HORMAD2: variants seen among roughly 807,000 people sequenced by gnomAD.
The protein encoded by HORMAD2 is HORMA domain containing 2, also known as HORMA domain-containing protein 2.
Under a neutral mutation model 38.8 loss-of-function variants are expected in HORMAD2, and 45 were observed. The ratio of observed to expected loss-of-function variants is 1.16; its 90% CI spans 0.91 to 1.49. The LOEUF is 1.49. Among genes scored for constraint, HORMAD2 ranks in the 40% most tolerant of loss-of-function variants. The pLI, the probability that HORMAD2 is intolerant of heterozygous loss-of-function variation, is 0.00. For synonymous variants in HORMAD2, 126 were observed against 122.8 expected (o/e 1.03, Z -0.17); for missense variants, 338 against 367.0 (o/e 0.92, Z 0.65).
the HORMAD2 span, among the ~76,000 whole-genome samples, chr22:30,187,661 G>A: frequency 2.6e-5 from 4 of 152,032 alleles, no homozygotes; most frequent in East Asian, 7.7e-4. Flanking sequence ...GCTAAGTTTG[G>A]AAGCACTTAT....
the HORMAD2 span, among the ~76,000 whole-genome samples, chr22:30,196,157 C>T: frequency 2.0e-5 from 3 of 152,328 alleles, no homozygotes; most frequent in East Asian, 5.8e-4. Context: ...TGAAGAGGAT[C>T]AACTGAAATA....
intron 2 of HORMAD2, among the ~76,000 whole-genome samples, chr22:30,098,146 A>G (rs1430012342): frequency 6.6e-6 from 1 of 152,216 alleles, no homozygotes; most frequent in East Asian, 1.9e-4. Context: ...TGTTCAGGAA[A>G]TAAAAATATA....
downstream of HORMAD2, among the ~76,000 whole-genome samples, chr22:30,179,453 TAGAG>T (rs1926611372): frequency 6.6e-6 from 1 of 152,216 alleles, no homozygotes; most frequent in Admixed American, 6.5e-5. Context: ...CCAGTTTTGA[TAGAG>T]AAGGAGGACA....
At chr22:30,181,201 A>G (rs981953359), downstream of HORMAD2, among the ~76,000 whole-genome samples, 9 of 151,704 alleles carry the variant, frequency 5.9e-5, no homozygotes, top group Non-Finnish European at 1.0e-4. Context: ...TTTTGTAGAG[A>G]CGGGGTTTTG....
chr22:30,160,685 G>C (rs1023639671), intron 10 of HORMAD2, among the ~76,000 whole-genome samples: 1 of 152,140 alleles, frequency 6.6e-6, no homozygotes, highest in Non-Finnish European at 1.5e-5. Context: ...TTATGTAAAT[G>C]TATTAGCTAT....
the HORMAD2 span, among the ~76,000 whole-genome samples, chr22:30,190,363 G>A: frequency 1.3e-5 from 2 of 152,218 alleles, no homozygotes; most frequent in Admixed American, 1.3e-4. Context: ...ATGTTTACAA[G>A]TCAGCTGGCT....
chr22:30,203,997 GCATCCTCACATA>G, the HORMAD2 span, among the ~76,000 whole-genome samples: 2 of 152,094 alleles, frequency 1.3e-5, no homozygotes. Context: ...ACACACATGT[GCATCCTCACATA>G]CATCCTCACA....
At chr22:30,190,456 C>T in the HORMAD2 span, among the ~76,000 whole-genome samples, 1 of 152,250 alleles carries the variant, frequency 6.6e-6, no homozygotes, top group Non-Finnish European at 1.5e-5. Context: ...ACGGTTATCT[C>T]TTGCAGTTAC....
chr22:30,142,093 A>C (rs537527630), intron 10 of HORMAD2, among the ~76,000 whole-genome samples: 5 of 152,182 alleles, frequency 3.3e-5, no homozygotes, highest in Middle Eastern at 3.4e-3. Context: ...CTACAAAAAA[A>C]CAACAAAAAA....
At chr22:30,132,414 T>A (rs915642120) in intron 10 of HORMAD2, among the ~76,000 whole-genome samples, 4 of 152,008 alleles carry the variant, frequency 2.6e-5, no homozygotes, top group Admixed American at 2.6e-4. Flanking sequence ...AAACCCTGTC[T>A]CTACTAAAAA....
intron 10 of HORMAD2, among the ~76,000 whole-genome samples, chr22:30,170,627 G>T (rs375900382): frequency 6.6e-6 from 1 of 151,894 alleles, no homozygotes; most frequent in East Asian, 1.9e-4. Context: ...ATGTTTCATT[G>T]TCTTTAAACA....
chr22:30,144,104 A>C (rs1354753950), intron 10 of HORMAD2, among the ~76,000 whole-genome samples: 4 of 152,202 alleles, frequency 2.6e-5, no homozygotes, highest in Non-Finnish European at 5.9e-5. Flanking sequence ...AGCCTAATAC[A>C]GCGGTTTCAT....
chr22:30,183,525 A>G, the HORMAD2 span, among the ~76,000 whole-genome samples: 1 of 152,184 alleles, frequency 6.6e-6, no homozygotes, highest in Non-Finnish European at 1.5e-5. Context: ...TTAAGCACCT[A>G]CATGTGCTCA....
At chr22:30,101,342 C>G (rs537473680) in intron 3 of HORMAD2, among the ~76,000 whole-genome samples, 5 of 151,592 alleles carry the variant, frequency 3.3e-5, no homozygotes, top group Non-Finnish European at 7.4e-5. Context: ...AACAGAAAAC[C>G]TGTGTTATGT....
At chr22:30,199,642 A>G in the HORMAD2 span, among the ~76,000 whole-genome samples, 1 of 151,492 alleles carries the variant, frequency 6.6e-6, no homozygotes, top group African/African-American at 2.4e-5. Flanking sequence ...ATGTTCTAAT[A>G]TCTCGTTGGA....
chr22:30,126,728 G>A (rs138356300), intron 10 of HORMAD2, among the ~76,000 whole-genome samples: 1 of 152,140 alleles, frequency 6.6e-6, no homozygotes, highest in African/African-American at 2.4e-5. Context: ...GGGTCAAAGG[G>A]TATGTGTATA....
chr22:30,081,796 A>G (rs371886019), intron 1 of HORMAD2, among the ~76,000 whole-genome samples: 1 of 152,000 alleles, frequency 6.6e-6, no homozygotes, highest in African/African-American at 2.4e-5. Flanking sequence ...CATGTTGGCC[A>G]GGATAGTCTC....
chr22:30,163,038 T>C (rs1925550656), intron 10 of HORMAD2, among the ~76,000 whole-genome samples: 2 of 152,132 alleles, frequency 1.3e-5, no homozygotes, highest in Non-Finnish European at 2.9e-5. Flanking sequence ...TGCAATAATA[T>C]TGTCCTTTTT....
intron 5 of HORMAD2, among the ~76,000 whole-genome samples, chr22:30,111,227 T>TTTG: frequency 6.6e-6 from 1 of 151,654 alleles, no homozygotes. Flanking sequence ...GGCTCATGCC[T>TTTG]GTAATTCCAG....
Sources: gnomAD v4.1 joint callset for allele counts (sites outside exome capture counted in the v4.1 genomes callset) on GRCh38, gnomAD v4.1.1 for gene constraint, MANE v1.5 for transcripts, NCBI Gene and HGNC (gene_info 2026-07-23, HGNC 2026-07-21) for gene names.